Variants in CNTNAP2 observed in about 807,000 individuals in gnomAD.
CNTNAP2 encodes the protein contactin-associated protein-like 2.
In CNTNAP2, 98 loss-of-function variants were observed where a neutral mutation model predicts 155.2. The ratio of observed to expected loss-of-function variants is 0.63; its 90% CI spans 0.54 to 0.75. The LOEUF (loss-of-function observed/expected upper bound fraction) is 0.75. CNTNAP2 is among the 30% of genes least tolerant of loss of function. The pLI, the probability that CNTNAP2 is intolerant of heterozygous loss-of-function variation, is 0.00. For synonymous variants in CNTNAP2, 651 were observed against 631.2 expected (o/e 1.03, Z -0.47); for missense variants, 1,727 against 1,688.1 (o/e 1.02, Z -0.40).
chr7:147,943,294 T>C (rs73743659), intron 14 of CNTNAP2, among the ~76,000 whole-genome samples: 15,214 of 152,180 alleles, frequency 0.1, 998 homozygotes, highest in African/African-American at 0.18. Flanking sequence ...CACGGCATTT[T>C]TGTGTAAAGT....
chr7:146,573,995 A>G (rs1264802073), intron 1 of CNTNAP2, among the ~76,000 whole-genome samples: 1 of 152,158 alleles, frequency 6.6e-6, no homozygotes, highest in Non-Finnish European at 1.5e-5. Context: ...TTGTATCTGG[A>G]AACTTTGTTT....
intron 13 of CNTNAP2, among the ~76,000 whole-genome samples, chr7:147,772,467 T>C (rs1797488323): frequency 7.9e-6 from 1 of 126,538 alleles, no homozygotes; most frequent in African/African-American, 3.2e-5. Flanking sequence ...TATATATATA[T>C]ATATATATAT....
chr7:146,677,416 T>G (rs952409043), intron 1 of CNTNAP2, among the ~76,000 whole-genome samples: 2 of 152,194 alleles, frequency 1.3e-5, no homozygotes. Flanking sequence ...TTATGGAACT[T>G]AAAGAGTCAC....
chr7:146,838,745 G>T (rs1472645689), intron 2 of CNTNAP2, among the ~76,000 whole-genome samples: 1 of 152,134 alleles, frequency 6.6e-6, no homozygotes, highest in Non-Finnish European at 1.5e-5. Flanking sequence ...TGATTATTAT[G>T]AACGTCCTCA....
intron 1 of CNTNAP2, among the ~76,000 whole-genome samples, chr7:146,527,489 T>C (rs1446574175): frequency 2.0e-5 from 3 of 150,184 alleles, no homozygotes; most frequent in African/African-American, 7.5e-5. Context: ...TCAGGCTCAA[T>C]GTCATATGTC....
intron 16 of CNTNAP2, among the ~76,000 whole-genome samples, chr7:148,143,205 G>A (rs1171990515): frequency 1.3e-5 from 2 of 152,170 alleles, no homozygotes; most frequent in African/African-American, 4.8e-5. Context: ...GGAAACTATG[G>A]ATATAATCCT....
chr7:148,389,367 C>T (rs1261351461), intron 22 of CNTNAP2, among the ~76,000 whole-genome samples: 2 of 152,110 alleles, frequency 1.3e-5, no homozygotes, highest in Non-Finnish European at 2.9e-5. Context: ...TGCACAAGCT[C>T]TCTCTTTGCC....
intron 21 of CNTNAP2, among the ~76,000 whole-genome samples, chr7:148,297,333 A>G (rs907262388): frequency 1.3e-5 from 2 of 152,348 alleles, no homozygotes; most frequent in East Asian, 1.9e-4. Flanking sequence ...TAAGCACACT[A>G]AAATTGGTGA....
At chr7:146,846,063 C>A (rs1472133528) in intron 3 of CNTNAP2, among the ~76,000 whole-genome samples, 1 of 152,170 alleles carries the variant, frequency 6.6e-6, no homozygotes, top group Admixed American at 6.5e-5. Flanking sequence ...TACTTAGATT[C>A]TTTCAAAATA....
At chr7:146,712,491 G>GTTT (rs531813459) in intron 1 of CNTNAP2, among the ~76,000 whole-genome samples, 1 of 142,022 alleles carries the variant, frequency 7.0e-6, no homozygotes, top group African/African-American at 2.6e-5. Context: ...AGAATAGAAA[G>GTTT]TTTTTTTTTT....
intron 1 of CNTNAP2, among the ~76,000 whole-genome samples, chr7:146,271,685 A>G (rs1800084571): frequency 6.6e-6 from 1 of 151,774 alleles, no homozygotes; most frequent in Non-Finnish European, 1.5e-5. Context: ...TAGTTTTTAT[A>G]ATTTTGAAAA....
intron 13 of CNTNAP2, among the ~76,000 whole-genome samples, chr7:147,867,135 G>A (rs1247304159): frequency 6.6e-6 from 1 of 152,158 alleles, no homozygotes; most frequent in Non-Finnish European, 1.5e-5. Context: ...CTCTTGTAGG[G>A]CAGGCCTGGT....
chr7:148,295,870 C>T (rs1372824706), intron 21 of CNTNAP2, among the ~76,000 whole-genome samples: 1 of 152,116 alleles, frequency 6.6e-6, no homozygotes, highest in South Asian at 2.1e-4. Context: ...TAGGGACCCA[C>T]CTTCAGACAC....
chr7:146,409,961 T>C (rs1198434119), intron 1 of CNTNAP2, among the ~76,000 whole-genome samples: 2 of 152,194 alleles, frequency 1.3e-5, no homozygotes, highest in African/African-American at 4.8e-5. Flanking sequence ...TTTCTGTGTG[T>C]CGCCTGTGCT....
intron 1 of CNTNAP2, among the ~76,000 whole-genome samples, chr7:146,470,145 G>C (rs1796775602): frequency 6.6e-6 from 1 of 152,028 alleles, no homozygotes. Flanking sequence ...GGCCTTAATT[G>C]ACTTTTAAAC....
intron 13 of CNTNAP2, among the ~76,000 whole-genome samples, chr7:147,669,711 CTCT>C (rs1795755389): frequency 6.6e-6 from 1 of 152,180 alleles, no homozygotes; most frequent in African/African-American, 2.4e-5. Flanking sequence ...CTCAATTCCA[CTCT>C]TCTTTTGTTT....
At chr7:147,896,618 A>C (rs1487815087) in intron 13 of CNTNAP2, among the ~76,000 whole-genome samples, 1 of 152,124 alleles carries the variant, frequency 6.6e-6, no homozygotes, top group Middle Eastern at 3.2e-3. Flanking sequence ...GGGAGGCACC[A>C]GATCAGATGA....
Position 146,885,537 on chromosome 7 carries a change from T to C in CNTNAP2, c.402+45633T>C, listed in dbSNP as rs543501795. Among the ~76,000 whole-genome samples, 135 of 152,270 alleles carry C rather than the reference T, an allele frequency of 8.9e-4. 1 individual carries two copies. The highest frequency in any genetic ancestry group is 3.1e-3 in the African/African-American group (127 of 41,554). On this transcript the variant is annotated intron_variant, in intron 3 of 23. Transcript: ENST00000361727. ...GAATTCTGCCACTTCCTCTAGTTTG[T>C]CCTTAAAAAAGCAAGAGCAATACAT...
At chr7:146,981,575 C>G (rs867848400) in intron 3 of CNTNAP2, among the ~76,000 whole-genome samples, 2 of 152,018 alleles carry the variant, frequency 1.3e-5, no homozygotes, top group Non-Finnish European at 2.9e-5. Flanking sequence ...TCCTAATTTA[C>G]GTTGATTTCC....
Sources: gnomAD v4.1 joint callset for allele counts (sites outside exome capture counted in the v4.1 genomes callset) on GRCh38, gnomAD v4.1.1 for gene constraint, MANE v1.5 for transcripts, NCBI Gene and HGNC (gene_info 2026-07-23, HGNC 2026-07-21) for gene names.